BTNL8: variants seen among roughly 807,000 people sequenced by gnomAD.
BTNL8 encodes the protein butyrophilin-like protein 8.
A neutral mutation model predicts 36.1 loss-of-function variants in BTNL8; 22 were observed. The observed-to-expected ratio is 0.61, with a 90% CI of 0.44 to 0.87. The LOEUF is 0.87. Ranked by LOEUF, BTNL8 falls within the 40% of genes least tolerant of loss-of-function variation. The probability of loss-of-function intolerance (pLI) is 0.00; values close to 1 mark genes in which losing one functional copy is unlikely to be tolerated. For synonymous variants in BTNL8, 203 were observed against 235.6 expected, an observed-to-expected ratio of 0.86 and a Z score of 1.27; for missense variants, 526 against 616.9, an observed-to-expected ratio of 0.85 and a Z score of 1.56.
intron 7 of BTNL8, chr5:180,949,490 G>C (rs1436639540): frequency 1.5e-6 from 1 of 650,524 alleles, no homozygotes; most frequent in Non-Finnish European, 2.3e-6. Context: ...AACGGGAGAC[G>C]GGGGGGTCTT....
intron 3 of BTNL8, among the ~76,000 whole-genome samples, chr5:180,938,803 T>C (rs780774097): frequency 1.3e-5 from 2 of 152,038 alleles, no homozygotes; most frequent in Non-Finnish European, 2.9e-5. Context: ...GAGAAAGGGA[T>C]ACTATGTTCA....
chr5:180,932,934 A>C (rs1758468610), intron 3 of BTNL8, among the ~76,000 whole-genome samples: 1 of 152,050 alleles, frequency 6.6e-6, no homozygotes, highest in Non-Finnish European at 1.5e-5. Flanking sequence ...TAAGTGACTC[A>C]CATTACTAGT....
At chr5:180,901,442 G>C (rs1347410133) in intron 1 of BTNL8, among the ~76,000 whole-genome samples, 2 of 152,200 alleles carry the variant, frequency 1.3e-5, no homozygotes, top group Non-Finnish European at 2.9e-5. Flanking sequence ...AATCCTTACA[G>C]GGTAGTAAGA....
rs984695071 is a variant in BTNL8, at chr5:180,950,569, T to C, written c.*25T>C. On this transcript the variant is annotated 3_prime_UTR_variant, in exon 8 of 8. Transcript: ENST00000340184. Reference sequence around the variant, plus strand: ...GGATGAATCACATCCCACATTCTTCTTTAGGGATATTAAGGTCTCTCTCCC... The same window carrying C: ...GGATGAATCACATCCCACATTCTTCCTTAGGGATATTAAGGTCTCTCTCCC... The C allele has an allele frequency of 6.9e-7, 1 of 1,456,094 alleles. No individual in the cohort carries two copies. Among genetic ancestry groups the C allele is most frequent in the Non-Finnish European group, 9.5e-7 (1 of 1,057,092 alleles). 90.2% of individuals were successfully genotyped at this position (1,456,094 alleles called of 1,614,324 possible).
chr5:180,924,849 A>C (rs1403892562), intron 3 of BTNL8, among the ~76,000 whole-genome samples: 1 of 152,254 alleles, frequency 6.6e-6, no homozygotes, highest in Non-Finnish European at 1.5e-5. Context: ...CTAAGAATTT[A>C]AGATAATCCC....
intron 1 of BTNL8, among the ~76,000 whole-genome samples, chr5:180,902,669 TC>T (rs1265099915): frequency 7.8e-6 from 1 of 128,162 alleles, no homozygotes; most frequent in African/African-American, 2.9e-5. Context: ...ATGCTATCCC[TC>T]CCCCCTCCCC....
intron 3 of BTNL8, among the ~76,000 whole-genome samples, chr5:180,944,864 A>G (rs142285411): frequency 3.0e-4 from 46 of 152,364 alleles, no homozygotes; most frequent in Non-Finnish European, 5.9e-4. Context: ...CAGGGATTGG[A>G]AGGATTAGCA....
At chr5:180,899,490 G>A in intron 1 of BTNL8, 131 bp downstream of exon 1, 3 of 1,018,624 alleles carry the variant, frequency 2.9e-6, no homozygotes, top group Non-Finnish European at 4.6e-6. Flanking sequence ...CTCAGCCTGG[G>A]GAAGGATCAG....
intron 3 of BTNL8, among the ~76,000 whole-genome samples, chr5:180,918,360 C>T (rs554830693): frequency 6.6e-5 from 10 of 152,134 alleles, no homozygotes; most frequent in East Asian, 5.8e-4. Context: ...TTTCAACACA[C>T]GCAAATAAAT....
At chr5:180,908,114 C>T (rs527256558) in intron 1 of BTNL8, among the ~76,000 whole-genome samples, 1,872 of 152,348 alleles carry the variant, frequency 0.012, 16 homozygotes, top group Middle Eastern at 0.048. Flanking sequence ...CCCAGCCTCG[C>T]TGCTGCCTTG....
intron 1 of BTNL8, among the ~76,000 whole-genome samples, chr5:180,908,096 G>A (rs983458698): frequency 8.5e-4 from 129 of 152,304 alleles, no homozygotes; most frequent in African/African-American, 2.8e-3. Context: ...AATGGCGGGC[G>A]CCCCTCCCCC....
At chr5:180,912,821 A>G (rs200928637) in intron 3 of BTNL8, among the ~76,000 whole-genome samples, 2 of 143,742 alleles carry the variant, frequency 1.4e-5, no homozygotes, top group African/African-American at 4.9e-5. Context: ...ATTTTCAAAC[A>G]TGTGTGTCGA....
chr5:180,915,843 T>C (rs551494705), intron 3 of BTNL8, among the ~76,000 whole-genome samples: 2 of 152,312 alleles, frequency 1.3e-5, no homozygotes, highest in East Asian at 3.9e-4. Context: ...CACCCTTTCA[T>C]GACAAAACCA....
Position 180,950,559 on chromosome 5 carries a change from C to T in BTNL8, c.*15C>T, listed in dbSNP as rs769782676. 6.9e-6 allele frequency: 10 copies of T among 1,458,700 alleles called. 4 individuals are homozygous for T. In the Admixed American group the frequency reaches 9.4e-5, roughly 14 times the overall value. The allele number at this position is 1,458,700 out of a possible 1,614,324, so 90.4% of individuals were successfully genotyped here. A position where few individuals can be genotyped will look rare whatever the true frequency, so the allele number is the denominator to read the frequency against. On this transcript the variant is annotated 3_prime_UTR_variant, in exon 8 of 8. Coordinates refer to ENST00000340184, the MANE Select transcript of BTNL8 (RefSeq NM_001040462.3). ...GTGAAATGTAGGATGAATCACATCC[C>T]ACATTCTTCTTTAGGGATATTAAGG...
At chr5:180,947,961 AG>A (rs1352297291) in intron 4 of BTNL8, 1 of 742,876 alleles carries the variant, frequency 1.3e-6, no homozygotes, top group African/African-American at 1.8e-5. Context: ...TAAAGGAGGA[AG>A]CAAAAGTGAC....
chr5:180,901,968 CA>C (rs1319281888), intron 1 of BTNL8, among the ~76,000 whole-genome samples: 4 of 151,682 alleles, frequency 2.6e-5, no homozygotes, highest in East Asian at 1.9e-4. Context: ...AGCAGATTTT[CA>C]AAAAAAACTA....
At chr5:180,900,356 G>A (rs1345085188) in intron 1 of BTNL8, among the ~76,000 whole-genome samples, 1 of 152,296 alleles carries the variant, frequency 6.6e-6, no homozygotes. Flanking sequence ...ATGGAGATAC[G>A]ATCACATTCC....
intron 3 of BTNL8, among the ~76,000 whole-genome samples, chr5:180,939,902 C>T (rs568169298): frequency 2.0e-5 from 3 of 152,020 alleles, no homozygotes; most frequent in East Asian, 3.9e-4. Context: ...ATTTTCAGGG[C>T]ACAATAGAAT....
chr5:180,899,219 C>T lies in BTNL8; in HGVS notation c.-92C>T. The T allele has an allele frequency of 6.7e-7, 1 of 1,491,866 alleles. No individual in the cohort carries two copies. The highest frequency in any genetic ancestry group is 9.3e-7 in the Non-Finnish European group (1 of 1,071,304). The allele number at this position is 1,491,866 out of a possible 1,614,324, so 92.4% of individuals were successfully genotyped here. A position where few individuals can be genotyped will look rare whatever the true frequency, so the allele number is the denominator to read the frequency against. On this transcript the variant is annotated 5_prime_UTR_variant, in exon 1 of 8. Coordinates refer to ENST00000340184, the MANE Select transcript of BTNL8 (RefSeq NM_001040462.3). ...CTCTCCGTGGCTTCCGCACCTTGAG[C>T]ATTAGGCCAGTTCTCCTCTTCTCTC...
Sources: allele counts gnomAD v4.1 joint callset (sites outside exome capture counted in the v4.1 genomes callset), GRCh38; gene constraint gnomAD v4.1.1; transcripts MANE v1.5; gene names NCBI Gene and HGNC (gene_info 2026-07-23, HGNC 2026-07-21).